The following MMP26 variants were observed in gnomAD, a reference collection of about 807,000 sequenced individuals.
MMP26 encodes the protein matrix metalloproteinase-26.
A neutral mutation model predicts 31.0 loss-of-function variants in MMP26; 33 were observed. That is an observed-to-expected ratio of 1.06 (90% CI 0.81 to 1.42). The LOEUF (loss-of-function observed/expected upper bound fraction) is 1.42. Among genes scored for constraint, MMP26 ranks in the 40% most tolerant of loss-of-function variants. MMP26 has a pLI of 0.00. For missense variants in MMP26, 347 were observed against 316.1 expected (o/e 1.10, Z -0.74); for synonymous variants, 122 against 114.9 (o/e 1.06, Z -0.40).
intron 2 of MMP26, among the ~76,000 whole-genome samples, chr11:4,829,862 T>G (rs1849623853): frequency 1.3e-5 from 2 of 152,306 alleles, no homozygotes; most frequent in South Asian, 4.1e-4. Flanking sequence ...ACACTGAATC[T>G]TAGATAGAGC....
chr11:4,794,482 G>A (rs1849077508), intron 2 of MMP26, among the ~76,000 whole-genome samples: 2 of 152,068 alleles, frequency 1.3e-5, no homozygotes, highest in Non-Finnish European at 1.5e-5. Flanking sequence ...CCTGGATGTT[G>A]CATATATTTC....
chr11:4,908,557 G>A (rs1850943346), intron 2 of MMP26: 2 of 514,258 alleles, frequency 3.9e-6, no homozygotes, highest in Non-Finnish European at 7.0e-6. Context: ...CTGTGATGGA[G>A]CAGCTGGATT....
At chr11:4,760,485 TG>T (rs935082238) in intron 1 of MMP26, among the ~76,000 whole-genome samples, 28 of 152,084 alleles carry the variant, frequency 1.8e-4, no homozygotes, top group African/African-American at 6.5e-4. Flanking sequence ...ATGAGCCAGG[TG>T]GAAGGTGAGA....
chr11:4,759,111 C>CAA (rs989730402), intron 1 of MMP26, among the ~76,000 whole-genome samples: 567 of 41,364 alleles, frequency 0.014, no homozygotes, highest in East Asian at 0.024. Flanking sequence ...CATTCCATCT[C>CAA]AAAAAAAAAA....
chr11:4,876,607 G>C (rs557605638), intron 2 of MMP26: 1 of 152,212 alleles, frequency 6.6e-6, no homozygotes, highest in Non-Finnish European at 1.5e-5. Flanking sequence ...TCTTCACCCT[G>C]ACTGGGATTC....
chr11:4,861,976 C>A (rs1182157930), intron 2 of MMP26, among the ~76,000 whole-genome samples: 1 of 152,146 alleles, frequency 6.6e-6, no homozygotes, highest in Non-Finnish European at 1.5e-5. Context: ...CATTTACTCT[C>A]CCCTTCAGTC....
chr11:4,812,868 T>C (rs1849368054), intron 2 of MMP26, among the ~76,000 whole-genome samples: 1 of 151,930 alleles, frequency 6.6e-6, no homozygotes, highest in South Asian at 2.1e-4. Flanking sequence ...GAAAGGCAGA[T>C]GTGTGTGTGT....
chr11:4,817,445 G>A (rs1426763806), intron 2 of MMP26, among the ~76,000 whole-genome samples: 2 of 152,108 alleles, frequency 1.3e-5, no homozygotes, highest in African/African-American at 4.8e-5. Flanking sequence ...CATAAAGGTA[G>A]GTGTGGTGGT....
intron 1 of MMP26, among the ~76,000 whole-genome samples, chr11:4,764,874 T>TCACACACACA (rs149703459): frequency 0.028 from 4,280 of 151,344 alleles, 198 homozygotes; most frequent in African/African-American, 0.1. Flanking sequence ...CGAGACTCCA[T>TCACACACACA]CACAGACACA....
At chr11:4,769,574 C>T (rs1446650213) in intron 2 of MMP26, 2 of 1,613,058 alleles carry the variant, frequency 1.2e-6, no homozygotes, top group Middle Eastern at 1.7e-4. Flanking sequence ...CACCAGCACT[C>T]CAGATTCCAT....
chr11:4,859,723 T>C (rs749628667), intron 2 of MMP26: 1 of 471,122 alleles, frequency 2.1e-6, no homozygotes, highest in African/African-American at 2.0e-5. Flanking sequence ...TAGGTATATA[T>C]CAGCCATGAC....
At chr11:4,848,303 C>G in intron 2 of MMP26, 6 of 1,614,018 alleles carry the variant, frequency 3.7e-6, no homozygotes, top group Non-Finnish European at 5.1e-6. Flanking sequence ...TCTCCTTCAT[C>G]TTGACACTAT....
At chr11:4,861,156 A>G (rs1215312431) in intron 2 of MMP26, among the ~76,000 whole-genome samples, 2 of 149,912 alleles carry the variant, frequency 1.3e-5, no homozygotes, top group Admixed American at 1.3e-4. Context: ...TTCCAAGTAT[A>G]TACATATAGA....
intron 2 of MMP26, chr11:4,769,860 G>C: frequency 6.2e-7 from 1 of 1,613,314 alleles, no homozygotes; most frequent in Non-Finnish European, 8.5e-7. Flanking sequence ...TCTAGGCCAG[G>C]AATGCCGGTC....
chr11:4,807,782 A>G (rs1289393678), intron 2 of MMP26, among the ~76,000 whole-genome samples: 3 of 152,042 alleles, frequency 2.0e-5, no homozygotes, highest in Non-Finnish European at 4.4e-5. Flanking sequence ...AAAAAATGAT[A>G]AAAAATTTGT....
At position 4,827,834 on chromosome 11, in the gene MMP26, TA is replaced by T. The variant is rs565981764; in HGVS notation, c.-145+60504del. 6.2e-4 allele frequency among the ~76,000 whole-genome samples: 90 copies of T among 144,798 alleles called. 1 individual carries two copies. Among genetic ancestry groups the T allele is most frequent in the Admixed American group, 1.9e-3 (28 of 14,404 alleles). 95.0% of individuals were successfully genotyped at this position (144,798 alleles called of 152,430 possible). On this transcript the variant is annotated intron_variant, in intron 2 of 7. Coordinates refer to ENST00000380390, the MANE Select transcript of MMP26 (RefSeq NM_021801.5). Reference sequence around the variant, plus strand: ...TGAGAGTTCTAATTGTTTTTCTCCCTAAAAAAAAAAACACAACACAACAAAG... The same window carrying T: ...TGAGAGTTCTAATTGTTTTTCTCCCTAAAAAAAAAACACAACACAACAAAG...
intron 2 of MMP26, chr11:4,924,068 G>T (rs768925181): frequency 6.2e-7 from 1 of 1,614,020 alleles, no homozygotes; most frequent in Admixed American, 1.7e-5. Flanking sequence ...AATCTCTCTG[G>T]TATCAAACCA....
intron 1 of MMP26, among the ~76,000 whole-genome samples, chr11:4,748,119 C>T (rs73393022): frequency 2.6e-5 from 4 of 151,944 alleles, no homozygotes; most frequent in African/African-American, 9.7e-5. Flanking sequence ...GGAGACATTA[C>T]AATTGATATC....
rs1850999717 is a variant in MMP26, at chr11:4,912,050, AT to A, written c.-144-76015del. Among the ~76,000 whole-genome samples the A allele has an allele frequency of 2.6e-5, 4 of 152,156 alleles. No homozygotes were observed. The South Asian group carries it at 8.3e-4, about 32-fold the overall frequency. On this transcript the variant is annotated intron_variant, in intron 2 of 7. Transcript: ENST00000380390. ...GGGTGGTTTCTGGGATCCCTCATTT[AT>A]TTAACACACATTCTTCTTTGTGGTT...
Sources: gnomAD v4.1 joint callset for allele counts (sites outside exome capture counted in the v4.1 genomes callset) on GRCh38, gnomAD v4.1.1 for gene constraint, MANE v1.5 for transcripts, NCBI Gene and HGNC (gene_info 2026-07-23, HGNC 2026-07-21) for gene names.